The following NLGN4Y variants were observed in gnomAD, a reference collection of about 807,000 sequenced individuals.
NLGN4Y encodes the protein neuroligin-4, Y-linked.
Under a neutral mutation model 8.4 loss-of-function variants are expected in NLGN4Y, and 4 were observed. The observed-to-expected ratio is 0.48, with a 90% CI of 0.23 to 1.09. NLGN4Y has a LOEUF of 1.09. Ranked by LOEUF, NLGN4Y falls within the 50% of genes least tolerant of loss-of-function variation. NLGN4Y has a pLI of 0.19. For synonymous variants in NLGN4Y, 35 were observed against 75.6 expected, an observed-to-expected ratio of 0.46 and a Z score of 2.78; for missense variants, 90 against 192.3, an observed-to-expected ratio of 0.47 and a Z score of 3.15.
chrY:14,642,839 G>C, intron 2 of NLGN4Y, among the ~76,000 whole-genome samples: 1 of 33,930 alleles, frequency 2.9e-5, no homozygotes, highest in Non-Finnish European at 7.3e-5. Context: ...AGAAATTCTG[G>C]TTAAATTGAC....
intron 1 of NLGN4Y, among the ~76,000 whole-genome samples, chrY:14,563,159 A>G (rs774145015): frequency 2.9e-5 from 1 of 34,035 alleles, no homozygotes; most frequent in Non-Finnish European, 7.3e-5. Flanking sequence ...TTTGCCCTTC[A>G]GTATGATATT....
At chrY:14,583,264 T>A in intron 1 of NLGN4Y, among the ~76,000 whole-genome samples, 5 of 33,684 alleles carry the variant, frequency 1.5e-4, no homozygotes, top group Non-Finnish European at 2.9e-4. Flanking sequence ...AAATCCTATC[T>A]ATACAGAAAG....
intron 1 of NLGN4Y, among the ~76,000 whole-genome samples, chrY:14,585,450 G>A: frequency 9.1e-5 from 3 of 32,855 alleles, no homozygotes; most frequent in African/African-American, 2.4e-4. Flanking sequence ...TATTATACCC[G>A]TTTCTTTAAA....
intron 2 of NLGN4Y, among the ~76,000 whole-genome samples, chrY:14,638,531 C>T: frequency 3.0e-5 from 1 of 33,379 alleles, no homozygotes; most frequent in African/African-American, 1.2e-4. Flanking sequence ...GGAAAATAAC[C>T]GAGTTCATCG....
At chrY:14,696,094 C>G (rs1017978445) in intron 2 of NLGN4Y, among the ~76,000 whole-genome samples, 1 of 32,508 alleles carries the variant, frequency 3.1e-5, no homozygotes, top group African/African-American at 1.2e-4. Context: ...AGGGGAATCT[C>G]TTGCTCCAGT....
chrY:14,672,196 T>A, intron 2 of NLGN4Y, among the ~76,000 whole-genome samples: 1 of 33,274 alleles, frequency 3.0e-5, no homozygotes, highest in Non-Finnish European at 7.4e-5. Context: ...TTTTGAAAAT[T>A]AAGTTTTATA....
intron 4 of NLGN4Y, among the ~76,000 whole-genome samples, chrY:14,810,838 C>G (rs964764901): frequency 6.2e-5 from 2 of 32,043 alleles, no homozygotes. Context: ...TTTGTGGGCC[C>G]CAGAGTTTGG....
chrY:14,590,159 T>G (rs780488344), intron 1 of NLGN4Y, among the ~76,000 whole-genome samples: 64 of 33,869 alleles, frequency 1.9e-3, no homozygotes, highest in African/African-American at 7.0e-3. Flanking sequence ...TCCTGCTCAC[T>G]CCTCTCCCTC....
At chrY:14,793,727 C>A (rs2042996031) in intron 4 of NLGN4Y, 1 of 31,890 alleles carries the variant, frequency 3.1e-5, no homozygotes, top group Non-Finnish European at 7.6e-5. Context: ...GCCGGTAATC[C>A]CAGCAGTTTG....
chrY:14,605,626 T>C, intron 1 of NLGN4Y, among the ~76,000 whole-genome samples: 1 of 33,196 alleles, frequency 3.0e-5, no homozygotes, highest in East Asian at 7.8e-4. Flanking sequence ...CAACAGTATA[T>C]GTAGCCTTCT....
At chrY:14,722,547 T>C in intron 3 of NLGN4Y, among the ~76,000 whole-genome samples, 4 of 31,752 alleles carry the variant, frequency 1.3e-4, no homozygotes, top group African/African-American at 5.0e-4. Context: ...ATGAGTAGAG[T>C]ATCCCAAACA....
intron 4 of NLGN4Y, among the ~76,000 whole-genome samples, chrY:14,726,643 C>T (rs1005306882): frequency 3.0e-5 from 1 of 33,423 alleles, no homozygotes; most frequent in Non-Finnish European, 7.4e-5. Flanking sequence ...TTTGAAGATA[C>T]CAATGATAGG....
intron 4 of NLGN4Y, among the ~76,000 whole-genome samples, chrY:14,791,171 A>T (rs35445843): frequency 0.025 from 827 of 33,398 alleles, no homozygotes; most frequent in Middle Eastern, 0.18. Flanking sequence ...TACTGACCCT[A>T]ACAGAAATTG....
intron 4 of NLGN4Y, among the ~76,000 whole-genome samples, chrY:14,756,472 C>G (rs1000032251): frequency 3.2e-5 from 1 of 31,493 alleles, no homozygotes; most frequent in Non-Finnish European, 7.6e-5. Flanking sequence ...ATTTGGGTGG[C>G]TACGGTGGCT....
chrY:14,719,516 A>C lies in NLGN4Y; in HGVS notation c.530A>C (p.Lys177Thr), dbSNP rs1421752251. Reference sequence around the variant, plus strand: ...ACCAGTAATGACCATGGTGAAGATAAAGGTATTTTTTGTTTTTTCAAAGCT... The same window carrying C: ...ACCAGTAATGACCATGGTGAAGATACAGGTATTTTTTGTTTTTTCAAAGCT... ...DITSNDHGED[K>T]DIHEQNSKKP... Residue 177 changes from lysine (K) to threonine (T), a missense_variant and splice_region_variant, in exon 3 of 7, where the codon AAA becomes ACA. Lys to Thr is a moderately conservative substitution (Grantham distance 78). This residue lies in a region of NLGN4Y where 37 missense variants were observed against 38.5 expected (regional missense o/e 0.96). Coordinates refer to ENST00000684976, the MANE Select transcript of NLGN4Y (RefSeq NM_001365588.1). 2 of 329,331 alleles carry C rather than the reference A, an allele frequency of 6.1e-6. No homozygotes were observed. The highest frequency in any genetic ancestry group is 8.4e-6 in the Non-Finnish European group (2 of 237,138). The allele number at this position is 329,331 out of a possible 400,897, so 82.1% of individuals were successfully genotyped here.
At chrY:14,660,555 A>AT (rs367956809) in intron 2 of NLGN4Y, among the ~76,000 whole-genome samples, 11 of 20,553 alleles carry the variant, frequency 5.4e-4, no homozygotes, top group South Asian at 3.2e-3. Flanking sequence ...ATGTCGGTCC[A>AT]TTTTTTTTTT....
chrY:14,668,666 G>A (rs909912041), intron 2 of NLGN4Y, among the ~76,000 whole-genome samples: 1 of 32,815 alleles, frequency 3.0e-5, no homozygotes, highest in Admixed American at 2.8e-4. Flanking sequence ...CTGTTATGAA[G>A]AACTACCTAA....
chrY:14,583,459 T>C (rs946072133), intron 1 of NLGN4Y, among the ~76,000 whole-genome samples: 1 of 33,742 alleles, frequency 3.0e-5, no homozygotes, highest in Non-Finnish European at 7.4e-5. Flanking sequence ...GGAGCTTCTA[T>C]AACCTTGAGC....
intron 2 of NLGN4Y, among the ~76,000 whole-genome samples, chrY:14,647,950 T>C: frequency 2.9e-5 from 1 of 34,614 alleles, no homozygotes; most frequent in Non-Finnish European, 7.2e-5. Flanking sequence ...TCTTGCATCC[T>C]GCTGGAAAAG....
Sources: allele counts gnomAD v4.1 joint callset (sites outside exome capture counted in the v4.1 genomes callset), GRCh38; gene constraint gnomAD v4.1.1; regional missense constraint gnomAD v4.1.1; transcripts MANE v1.5; gene names NCBI Gene and HGNC (gene_info 2026-07-23, HGNC 2026-07-21).